Variants in BRIP1 observed in about 807,000 individuals in gnomAD.
The protein encoded by BRIP1 is BRCA1 interacting DNA helicase 1, also known as Fanconi anemia group J protein.
A neutral mutation model predicts 119.7 loss-of-function variants in BRIP1; 88 were observed. The observed-to-expected ratio is 0.74, with a 90% confidence interval of 0.62 to 0.88. BRIP1 has a LOEUF of 0.88. Among genes scored for constraint, BRIP1 ranks in the 40% least tolerant of loss-of-function variants. The pLI is 0.00. For missense variants in BRIP1, 1,259 were observed against 1,455.4 expected (o/e 0.87, Z 2.20); for synonymous variants, 443 against 496.5 (o/e 0.89, Z 1.43).
In BRIP1 at chr17:61,815,175, T is replaced by C. The variant is rs1162564012; in HGVS notation, c.628-6418A>G. Among the ~76,000 whole-genome samples the C allele has an allele frequency of 2.0e-5, 3 of 151,290 alleles. No individual in the cohort carries two copies. Among genetic ancestry groups the C allele is most frequent in the Non-Finnish European group, 4.4e-5 (3 of 67,840 alleles). ...TTCTGGTTTCTCCTCAGTTGTTTCA[T>C]ACCCAGCAGAATAGCTTTCATCTTA... On this transcript the variant is annotated intron_variant, in intron 6 of 19. Transcript: ENST00000259008. This position sits in a 1 kb window ranked among gnomAD's most constrained non-coding sequence, Gnocchi z 4.1.
intron 11 of BRIP1, among the ~76,000 whole-genome samples, 160 bp from the exon 12 acceptor site, chr17:61,781,165 TTC>T (rs1567814150): frequency 6.6e-6 from 1 of 152,246 alleles, no homozygotes; most frequent in Non-Finnish European, 1.5e-5. Flanking sequence ...AATTCAGTAA[TTC>T]TGATATTAAT....
Position 61,825,209 on chromosome 17 carries a change from T to C in BRIP1, c.628-16452A>G, listed in dbSNP as rs888530170. On this transcript the variant is annotated intron_variant, in intron 6 of 19. Transcript: ENST00000259008. This position sits in a 1 kb window ranked among gnomAD's most constrained non-coding sequence, Gnocchi z 4.1. Reference sequence around the variant, plus strand: ...CTGAGGCAGGAGAATGGCGTGAACCTGGGAGGCGGAGCTTGCAGTGACCCA... The same window carrying C: ...CTGAGGCAGGAGAATGGCGTGAACCCGGGAGGCGGAGCTTGCAGTGACCCA... 4.0e-5 allele frequency among the ~76,000 whole-genome samples: 6 copies of C among 151,352 alleles called. No individual in the cohort carries two copies. The highest frequency in any genetic ancestry group is 1.2e-4 in the African/African-American group (5 of 41,210).
rs2078224452 is a variant in BRIP1, at chr17:61,815,560, C to T, written c.628-6803G>A. On this transcript the variant is annotated intron_variant, in intron 6 of 19. Transcript: ENST00000259008. The surrounding 1 kb of genome is among the most constrained non-coding windows in gnomAD (Gnocchi z 4.1). Reference sequence around the variant, plus strand: ...TTTCTATTTTAATGTTTGTTAATTACCTAATATTAACATAAGGCTAAAATA... The same window carrying T: ...TTTCTATTTTAATGTTTGTTAATTATCTAATATTAACATAAGGCTAAAATA... 6.6e-6 allele frequency among the ~76,000 whole-genome samples: 1 copy of T among 152,086 alleles called. No homozygotes were observed. The highest frequency in any genetic ancestry group is 6.6e-5 in the Admixed American group (1 of 15,258).
At position 61,831,684 on chromosome 17, in the gene BRIP1, ACTC is replaced by A. The variant is rs1416991051; in HGVS notation, c.627+15414_627+15416del. 6.6e-6 allele frequency among the ~76,000 whole-genome samples: 1 copy of A among 152,152 alleles called. No individual in the cohort carries two copies. Among genetic ancestry groups the A allele is most frequent in the Non-Finnish European group, 1.5e-5 (1 of 68,026 alleles). ...CCACCTTTTGGCTATTGTGAATAAC[ACTC>A]CTATGAACACTGGTGTACAAGTATC... On this transcript the variant is annotated intron_variant, in intron 6 of 19. Coordinates refer to ENST00000259008, the MANE Select transcript of BRIP1 (RefSeq NM_032043.3). This position sits in a 1 kb window ranked among gnomAD's most constrained non-coding sequence, Gnocchi z 4.1.
chr17:61,850,516 T>C (rs2078803679), intron 4 of BRIP1, among the ~76,000 whole-genome samples: 1 of 152,012 alleles, frequency 6.6e-6, no homozygotes. Flanking sequence ...CATGAGCAGG[T>C]CCAATACTGT....
chr17:61,688,754 T>TA (rs200908748), intron 18 of BRIP1, among the ~76,000 whole-genome samples: 435 of 120,876 alleles, frequency 3.6e-3, no homozygotes, highest in East Asian at 0.027. Flanking sequence ...AACCAACCCT[T>TA]AAAAAAAAAA....
Position 61,841,522 on chromosome 17 carries a change from C to T in BRIP1, c.627+5579G>A, listed in dbSNP as rs536153356. 9.9e-5 allele frequency among the ~76,000 whole-genome samples: 15 copies of T among 151,936 alleles called. No individual in the cohort carries two copies. The highest frequency in any genetic ancestry group is 8.3e-4 in the South Asian group (4 of 4,808). ...ATATCATCTCACTCAGTTAGAATGGCTTACTATCGAAAAGACAAAAAAAAA... is the reference window on the plus strand; with the variant it reads ...ATATCATCTCACTCAGTTAGAATGGTTTACTATCGAAAAGACAAAAAAAAA... On this transcript the variant is annotated intron_variant, in intron 6 of 19. Coordinates refer to ENST00000259008, the MANE Select transcript of BRIP1 (RefSeq NM_032043.3). This position sits in a 1 kb window ranked among gnomAD's most constrained non-coding sequence, Gnocchi z 4.1.
Position 61,752,058 on chromosome 17 carries a change from C to T in BRIP1, c.2098-7467G>A, listed in dbSNP as rs371830899. Among the ~76,000 whole-genome samples the T allele has an allele frequency of 1.6e-4, 24 of 152,208 alleles. No homozygotes were observed. The East Asian group carries it at 2.9e-3, about 18-fold the overall frequency. On this transcript the variant is annotated intron_variant, in intron 14 of 19. Coordinates refer to ENST00000259008, the MANE Select transcript of BRIP1 (RefSeq NM_032043.3). This position sits in a 1 kb window ranked among gnomAD's most constrained non-coding sequence, Gnocchi z 6.2. ...CCGGGATCACAGGCATGACCCACTGCGCCTGGCCAGATGGAAGCTTCTAAT... is the reference window on the plus strand; with the variant it reads ...CCGGGATCACAGGCATGACCCACTGTGCCTGGCCAGATGGAAGCTTCTAAT...
Position 61,806,122 on chromosome 17 carries a change from G to T in BRIP1, c.918+2345C>A, listed in dbSNP as rs2078069928. On this transcript the variant is annotated intron_variant, in intron 7 of 19. Coordinates refer to ENST00000259008, the MANE Select transcript of BRIP1 (RefSeq NM_032043.3). This position sits in a 1 kb window ranked among gnomAD's most constrained non-coding sequence, Gnocchi z 4.9. ...AGGGCAGTTAGAATGACACCCCTCT[G>T]CAGGCTGACAGCAAAACCAGAAAAG... Among the ~76,000 whole-genome samples the T allele has an allele frequency of 6.6e-6, 1 of 152,172 alleles. No homozygotes were observed. Among genetic ancestry groups the T allele is most frequent in the Non-Finnish European group, 1.5e-5 (1 of 68,028 alleles).
chr17:61,826,526 T>C (rs115458325), intron 6 of BRIP1, among the ~76,000 whole-genome samples: 5,934 of 151,926 alleles, frequency 0.039, 401 homozygotes, highest in African/African-American at 0.13. Flanking sequence ...CCAGCTTCCA[T>C]AAGGAACTTA....
At position 61,725,378 on chromosome 17, in the gene BRIP1, G is replaced by C. The variant is rs1446373101; in HGVS notation, c.2380-9315C>G. Among the ~76,000 whole-genome samples, 2 of 151,856 alleles carry C rather than the reference G, an allele frequency of 1.3e-5. No homozygotes were observed. The highest frequency in any genetic ancestry group is 2.9e-5 in the Non-Finnish European group (2 of 67,956). ...CTGTTTTGGATAAGGTGCTTTTTTT[G>C]GTAGAGAAATCTATATTAAACTTAG... On this transcript the variant is annotated intron_variant, in intron 16 of 19. Transcript: ENST00000259008. The surrounding 1 kb of genome is among the most constrained non-coding windows in gnomAD (Gnocchi z 5.3).
chr17:61,727,925 T>G (rs1471501887), intron 16 of BRIP1, among the ~76,000 whole-genome samples: 1 of 151,864 alleles, frequency 6.6e-6, no homozygotes, highest in African/African-American at 2.4e-5. Flanking sequence ...GCTCCCTCAG[T>G]TCAAGCAATT....
chr17:61,786,796 ATTATATAT>A (rs2077716789), intron 10 of BRIP1, among the ~76,000 whole-genome samples: 3 of 131,826 alleles, frequency 2.3e-5, no homozygotes, highest in African/African-American at 5.6e-5. Flanking sequence ...TATAGTATAT[ATTATATAT>A]TTATATATTT....
intron 14 of BRIP1, among the ~76,000 whole-genome samples, chr17:61,749,201 T>C (rs904829290): frequency 1.3e-5 from 2 of 151,152 alleles, no homozygotes; most frequent in Non-Finnish European, 2.9e-5. Context: ...TTTTGTAACA[T>C]TGGATTTAAC....
intron 14 of BRIP1, among the ~76,000 whole-genome samples, chr17:61,763,399 A>T (rs954011774): frequency 6.6e-6 from 1 of 152,120 alleles, no homozygotes; most frequent in Admixed American, 6.6e-5. Flanking sequence ...ACTGGTATAA[A>T]AAATACCATG....
intron 6 of BRIP1, among the ~76,000 whole-genome samples, chr17:61,826,188 C>T (rs555366562): frequency 3.9e-5 from 6 of 152,160 alleles, no homozygotes; most frequent in Admixed American, 3.3e-4. Context: ...TGGGATAACT[C>T]GCTAGGCATA....
Position 61,774,490 on chromosome 17 carries a change from C to T in BRIP1, c.2097+1911G>A, listed in dbSNP as rs1331710696. 6.6e-6 allele frequency among the ~76,000 whole-genome samples: 1 copy of T among 151,998 alleles called. No homozygotes were observed. The highest frequency in any genetic ancestry group is 1.5e-5 in the Non-Finnish European group (1 of 67,982). The stretch of plus-strand genomic sequence containing the variant: ...TAGGAGAAATACCTAATGTAAATGA[C>T]GAGTTGATGGGTGCAGCAAACCAGC... On this transcript the variant is annotated intron_variant, in intron 14 of 19. Coordinates refer to ENST00000259008, the MANE Select transcript of BRIP1 (RefSeq NM_032043.3). The surrounding 1 kb of genome is among the most constrained non-coding windows in gnomAD (Gnocchi z 5.8).
rs2077942177 is a variant in BRIP1 at position 61,798,895 on chromosome 17, T to A, written c.1340+205A>T. On this transcript the variant is annotated intron_variant, in intron 9 of 19. Coordinates refer to ENST00000259008, the MANE Select transcript of BRIP1 (RefSeq NM_032043.3). This position sits in a 1 kb window ranked among gnomAD's most constrained non-coding sequence, Gnocchi z 5.5. Reference sequence around the variant, plus strand: ...AATAAGATTCACAATTATTCATTTTTAAAAATCACTTATGTTCATTATATT... The same window carrying A: ...AATAAGATTCACAATTATTCATTTTAAAAAATCACTTATGTTCATTATATT... Among the ~76,000 whole-genome samples, 1 of 152,126 alleles carries A rather than the reference T, an allele frequency of 6.6e-6. No individual in the cohort carries two copies. Among genetic ancestry groups the A allele is most frequent in the Non-Finnish European group, 1.5e-5 (1 of 67,986 alleles).
intron 10 of BRIP1, among the ~76,000 whole-genome samples, chr17:61,792,747 T>C (rs573791575): frequency 1.3e-5 from 2 of 152,278 alleles, no homozygotes; most frequent in Admixed American, 6.5e-5. Context: ...TATGATACTG[T>C]AGTGGTGGAT....
Sources: allele counts gnomAD v4.1 joint callset (sites outside exome capture counted in the v4.1 genomes callset), GRCh38; gene constraint gnomAD v4.1.1; non-coding constraint Gnocchi (gnomAD v3.1); transcripts MANE v1.5; gene names NCBI Gene and HGNC (gene_info 2026-07-23, HGNC 2026-07-21).